DNAH5: variants seen among roughly 807,000 people sequenced by gnomAD.
DNAH5 encodes the protein axonemal beta dynein heavy chain 5.
DNAH5 carries 372 observed loss-of-function variants against 518.2 expected under a neutral mutation model. That is an observed-to-expected ratio of 0.72 (90% CI 0.66 to 0.78). The LOEUF (loss-of-function observed/expected upper bound fraction) is 0.78, where lower values mean the gene tolerates loss of function less well. DNAH5 is among the 30% of genes least tolerant of loss of function. DNAH5 has a pLI of 0.00. For synonymous variants in DNAH5, 2,039 were observed against 2,025.9 expected, an observed-to-expected ratio of 1.01 and a Z score of -0.17; for missense variants, 5,523 against 5,687.0, an observed-to-expected ratio of 0.97 and a Z score of 0.93.
chr5:13,824,347 G>A lies in DNAH5; in HGVS notation c.6445-14C>T. ...GTCATAATGAACCTAGAGAATGTGAGATACATTGGGCTTATTTTCAACATT... is the reference window on the plus strand; with the variant it reads ...GTCATAATGAACCTAGAGAATGTGAAATACATTGGGCTTATTTTCAACATT... On this transcript the variant is annotated splice_polypyrimidine_tract_variant and intron_variant, in intron 38 of 78. Coordinates refer to ENST00000265104, the MANE Select transcript of DNAH5 (RefSeq NM_001369.3). 1 of 1,613,700 alleles carries A rather than the reference G, an allele frequency of 6.2e-7. No homozygotes were observed. Among genetic ancestry groups the A allele is most frequent in the Non-Finnish European group, 8.5e-7 (1 of 1,179,718 alleles).
intron 1 of DNAH5, among the ~76,000 whole-genome samples, chr5:13,951,425 G>A (rs1780401582): frequency 6.6e-6 from 1 of 151,414 alleles, no homozygotes; most frequent in African/African-American, 2.4e-5. Flanking sequence ...TTCCTATGTT[G>A]CCCAGACTGG....
chr5:13,934,822 T>C (rs1778770234), intron 1 of DNAH5, among the ~76,000 whole-genome samples: 1 of 152,206 alleles, frequency 6.6e-6, no homozygotes, highest in African/African-American at 2.4e-5. Context: ...ATAGATAATC[T>C]ACCTGTTTTC....
At chr5:13,733,495 G>A (rs1746903028) in intron 68 of DNAH5, among the ~76,000 whole-genome samples, 1 of 152,096 alleles carries the variant, frequency 6.6e-6, no homozygotes, top group Non-Finnish European at 1.5e-5. Flanking sequence ...CACCAGAGAA[G>A]GCAGCTCTTA....
intron 3 of DNAH5, among the ~76,000 whole-genome samples, chr5:13,926,432 A>G (rs1309761367): frequency 6.6e-6 from 1 of 152,174 alleles, no homozygotes; most frequent in Non-Finnish European, 1.5e-5. Flanking sequence ...ACTTTAGTTA[A>G]GCTGATGTGG....
intron 60 of DNAH5, 51 bp from the exon 61 acceptor site, chr5:13,759,034 T>C (rs75015907): frequency 6.8e-6 from 11 of 1,611,252 alleles, no homozygotes; most frequent in Admixed American, 1.7e-5. Context: ...CCTCAAAACA[T>C]CCTGCATTTC....
rs1216082671 is a variant in DNAH5, at chr5:13,716,335, T to C, written c.12909+152A>G. 7.5e-6 allele frequency: 5 copies of C among 668,186 alleles called. No homozygotes were observed. In the Admixed American group the frequency reaches 9.5e-5, roughly 13 times the overall value. The allele number at this position is 668,186 out of a possible 1,614,324, so 41.4% of individuals were successfully genotyped here. On this transcript the variant is annotated intron_variant, in intron 74 of 78. Coordinates refer to ENST00000265104, the MANE Select transcript of DNAH5 (RefSeq NM_001369.3). ...AAACATTTTAATCATCCATTGAGTATAAAAATATGAAGAAAGCCTTCACAG... is the reference window on the plus strand; with the variant it reads ...AAACATTTTAATCATCCATTGAGTACAAAAATATGAAGAAAGCCTTCACAG...
chr5:14,010,828 A>C (rs531864989), intron 1 of DNAH5, among the ~76,000 whole-genome samples: 1 of 152,088 alleles, frequency 6.6e-6, no homozygotes, highest in South Asian at 2.1e-4. Flanking sequence ...GTATAAATTT[A>C]TATCTTTAAA....
intron 49 of DNAH5, among the ~76,000 whole-genome samples, chr5:13,792,865 A>G (rs946795606): frequency 6.6e-6 from 1 of 152,244 alleles, no homozygotes; most frequent in African/African-American, 2.4e-5. Context: ...GCAGCGTCAG[A>G]AATTGTAAAC....
At chr5:13,891,248 C>T in intron 16 of DNAH5, 127 bp from the exon 17 acceptor site, 1 of 935,172 alleles carries the variant, frequency 1.1e-6, no homozygotes, top group Non-Finnish European at 1.7e-6. Flanking sequence ...GTATGTTCCC[C>T]AGATCCCCAC....
chr5:13,979,039 C>T (rs1028804024), intron 1 of DNAH5, among the ~76,000 whole-genome samples: 1 of 152,062 alleles, frequency 6.6e-6, no homozygotes, highest in Non-Finnish European at 1.5e-5. Context: ...CCTCGAGAAC[C>T]CCACCCCATT....
chr5:13,835,265 T>G (rs1764215558), intron 35 of DNAH5, among the ~76,000 whole-genome samples: 1 of 143,220 alleles, frequency 7.0e-6, no homozygotes, highest in Non-Finnish European at 1.5e-5. Flanking sequence ...GGCGACAGAG[T>G]GAGACTTCTT....
At chr5:13,952,823 C>A (rs1005914255) in intron 1 of DNAH5, among the ~76,000 whole-genome samples, 1 of 152,132 alleles carries the variant, frequency 6.6e-6, no homozygotes, top group Non-Finnish European at 1.5e-5. Context: ...CACTCTGTTG[C>A]CCAGGTTGGA....
At chr5:13,742,289 A>T (rs890072925) in intron 65 of DNAH5, among the ~76,000 whole-genome samples, 2 of 152,008 alleles carry the variant, frequency 1.3e-5, no homozygotes, top group Non-Finnish European at 2.9e-5. Flanking sequence ...GCTGCACAAA[A>T]ACTTTTACCT....
Position 13,752,130 on chromosome 5 carries a change from C to A in DNAH5, c.11028+4G>T. 6.2e-7 allele frequency: 1 copy of A among 1,613,808 alleles called. No homozygotes were observed. Among genetic ancestry groups the A allele is most frequent in the Non-Finnish European group, 8.5e-7 (1 of 1,179,826 alleles). ...GCACATTGTCATCCATAGGTTTAAC[C>A]TACCTTAAAGGTAGACCCAGTTTTA... On this transcript the variant is annotated splice_donor_region_variant and intron_variant, in intron 64 of 78. Coordinates refer to ENST00000265104, the MANE Select transcript of DNAH5 (RefSeq NM_001369.3).
At chr5:13,975,441 G>A (rs1006971766) in intron 1 of DNAH5, among the ~76,000 whole-genome samples, 1 of 152,162 alleles carries the variant, frequency 6.6e-6, no homozygotes, top group Admixed American at 6.5e-5. Flanking sequence ...ACAGATGCCA[G>A]CCCATAGCTC....
intron 1 of DNAH5, among the ~76,000 whole-genome samples, chr5:13,934,608 A>G (rs1460578936): frequency 6.6e-6 from 1 of 152,192 alleles, no homozygotes; most frequent in East Asian, 1.9e-4. Context: ...AATAGAGAGG[A>G]AAATTTAGAG....
In DNAH5 at chr5:13,841,883, T is replaced by C. The variant is rs540142632; in HGVS notation, c.5293A>G (p.Ile1765Val). ...HEKIYDRILS[I>V]SSQEGETIEL... ...ATCGTCTCACCCTCTTGAGAGGAAA[T>C]TGACAGAATTCGATCATAGATCTAT... The change falls in exon 33 of 79, where the codon ATT (isoleucine) becomes GTT (valine). Residue 1765 changes from isoleucine to valine, a missense_variant. Around this residue, in one of 3 missense-constraint regions of DNAH5, gnomAD observed 5,121 missense variants for 5,223.3 expected, o/e 0.98. Transcript: ENST00000265104. The C allele has an allele frequency of 7.0e-6, 11 of 1,567,528 alleles. No individual in the cohort carries two copies. In the South Asian group the frequency reaches 8.9e-5, roughly 13 times the overall value.
At chr5:13,981,504 T>C (rs919537601) in intron 1 of DNAH5, among the ~76,000 whole-genome samples, 1 of 152,174 alleles carries the variant, frequency 6.6e-6, no homozygotes, top group Non-Finnish European at 1.5e-5. Flanking sequence ...TCCCCATCCC[T>C]TGCCTGTGGG....
At chr5:13,800,896 C>T (rs1041913182) in intron 47 of DNAH5, among the ~76,000 whole-genome samples, 1 of 151,916 alleles carries the variant, frequency 6.6e-6, no homozygotes, top group African/African-American at 2.4e-5. Context: ...CCTGTCTCCT[C>T]CACTAGAAGG....
Sources: gnomAD v4.1 joint callset for allele counts (sites outside exome capture counted in the v4.1 genomes callset) on GRCh38, gnomAD v4.1.1 for gene constraint, gnomAD v4.1.1 regional missense constraint, MANE v1.5 for transcripts, NCBI Gene and HGNC (gene_info 2026-07-23, HGNC 2026-07-21) for gene names.